NOL4: variants seen among roughly 807,000 people sequenced by gnomAD.
The protein encoded by NOL4 is nucleolar protein 4.
A neutral mutation model predicts 75.9 loss-of-function variants in NOL4; 17 were observed. That is an observed-to-expected ratio of 0.22 (90% CI 0.15 to 0.34). NOL4 has a LOEUF of 0.34. Among genes scored for constraint, NOL4 ranks in the 10% least tolerant of loss-of-function variants. NOL4 has a pLI of 1.00. For synonymous variants in NOL4, 292 were observed against 289.9 expected (o/e 1.01, Z -0.07); for missense variants, 614 against 793.5 (o/e 0.77, Z 2.72).
chr18:34,005,473 T>G (rs2146272574), intron 6 of NOL4, among the ~76,000 whole-genome samples: 1 of 152,156 alleles, frequency 6.6e-6, no homozygotes, highest in South Asian at 2.1e-4. Flanking sequence ...CCTCTATTTC[T>G]TTTCTTTCTG....
At chr18:34,098,045 G>C (rs1440080860) in intron 4 of NOL4, among the ~76,000 whole-genome samples, 1 of 152,062 alleles carries the variant, frequency 6.6e-6, no homozygotes, top group Non-Finnish European at 1.5e-5. Flanking sequence ...AATAAAGGAG[G>C]TTGGGGTTTT....
At chr18:34,181,040 G>A (rs1345360415) in intron 1 of NOL4, among the ~76,000 whole-genome samples, 1 of 151,336 alleles carries the variant, frequency 6.6e-6, no homozygotes, top group Non-Finnish European at 1.5e-5. Flanking sequence ...AATTCCAAAT[G>A]TCTTTTTTTG....
At chr18:33,995,143 C>G (rs2073183641) in intron 6 of NOL4, among the ~76,000 whole-genome samples, 1 of 151,428 alleles carries the variant, frequency 6.6e-6, no homozygotes, top group Non-Finnish European at 1.5e-5. Flanking sequence ...AAAGAAAAGC[C>G]AAGTCCCAAA....
chr18:33,885,827 T>C (rs917725049), intron 9 of NOL4, among the ~76,000 whole-genome samples: 1 of 152,116 alleles, frequency 6.6e-6, no homozygotes, highest in African/African-American at 2.4e-5. Context: ...GGGTTATCTA[T>C]CCAAAAGAAA....
intron 2 of NOL4, among the ~76,000 whole-genome samples, chr18:34,124,905 C>A (rs1412004850): frequency 1.4e-5 from 2 of 147,704 alleles, no homozygotes; most frequent in Non-Finnish European, 1.5e-5. Context: ...AAAACTGTCT[C>A]AAAAAAAAAA....
intron 9 of NOL4, among the ~76,000 whole-genome samples, chr18:33,918,379 A>G (rs771181925): frequency 6.6e-6 from 1 of 152,204 alleles, no homozygotes; most frequent in Non-Finnish European, 1.5e-5. Flanking sequence ...TCATACACTC[A>G]CTGATGTGTA....
intron 6 of NOL4, among the ~76,000 whole-genome samples, chr18:33,988,240 G>A (rs2072620423): frequency 2.0e-5 from 3 of 152,030 alleles, no homozygotes; most frequent in Non-Finnish European, 2.9e-5. Flanking sequence ...GAAGTAAAAT[G>A]CCTACTGTCA....
chr18:34,091,399 C>A (rs1275755872), intron 5 of NOL4, among the ~76,000 whole-genome samples: 1 of 151,678 alleles, frequency 6.6e-6, no homozygotes, highest in African/African-American at 2.4e-5. Flanking sequence ...AACAAAAGGG[C>A]TTGACAGAAG....
intron 5 of NOL4, among the ~76,000 whole-genome samples, chr18:34,030,262 C>T (rs982560811): frequency 6.6e-6 from 1 of 152,130 alleles, no homozygotes; most frequent in Non-Finnish European, 1.5e-5. Flanking sequence ...GAAACTGCAT[C>T]CTAAGACAGA....
chr18:34,061,775 A>AT (rs1317923904), intron 5 of NOL4, among the ~76,000 whole-genome samples: 1 of 152,134 alleles, frequency 6.6e-6, no homozygotes, highest in Non-Finnish European at 1.5e-5. Flanking sequence ...ATTGGGCAAT[A>AT]TTTTTATTCA....
intron 5 of NOL4, among the ~76,000 whole-genome samples, chr18:34,064,631 A>G (rs2077193575): frequency 6.6e-6 from 1 of 151,956 alleles, no homozygotes; most frequent in Admixed American, 6.6e-5. Context: ...TATTATGAAA[A>G]CTACCCTTTG....
At chr18:34,014,417 T>C (rs1429363695) in intron 6 of NOL4, among the ~76,000 whole-genome samples, 24 of 151,886 alleles carry the variant, frequency 1.6e-4, no homozygotes, top group Admixed American at 1.6e-3. Flanking sequence ...TTCAGAATAT[T>C]TAACCATATA....
chr18:33,978,896 T>C (rs2071721089), intron 6 of NOL4, among the ~76,000 whole-genome samples: 1 of 152,086 alleles, frequency 6.6e-6, no homozygotes, highest in Admixed American at 6.6e-5. Context: ...TCCATTGATG[T>C]AGAACATGTA....
chr18:33,884,147 TGAA>T (rs1177409990), intron 9 of NOL4, among the ~76,000 whole-genome samples: 1 of 152,234 alleles, frequency 6.6e-6, no homozygotes, highest in East Asian at 1.9e-4. Flanking sequence ...AAAAATTAAA[TGAA>T]GAGATATTAC....
chr18:34,222,039 G>T (rs1253375356), intron 1 of NOL4: 1 of 1,535,230 alleles, frequency 6.5e-7, no homozygotes, highest in Admixed American at 2.0e-5. Context: ...ATGCAGAAAG[G>T]TCTCCTGCAT....
intron 1 of NOL4, among the ~76,000 whole-genome samples, chr18:34,174,595 A>C (rs1303477054): frequency 2.0e-5 from 3 of 151,852 alleles, no homozygotes; most frequent in Non-Finnish European, 4.4e-5. Flanking sequence ...TATTACATAG[A>C]TAGATAGATG....
rs116629126 is a variant in NOL4 at position 33,970,708 on chromosome 18, T to C, written c.1057-12290A>G. Among the ~76,000 whole-genome samples the C allele has an allele frequency of 7.5e-3, 1,146 of 151,924 alleles. 11 individuals carry two copies. The highest frequency in any genetic ancestry group is 0.026 in the African/African-American group (1,057 of 41,394). On this transcript the variant is annotated intron_variant, in intron 6 of 10. Transcript: ENST00000261592. ...TATAGAACTTTCGTTACTGGAAAAC[T>C]TACTTCTTCAAGCTATTTGTGTGTG...
chr18:34,015,772 C>G (rs1385759160), intron 6 of NOL4, among the ~76,000 whole-genome samples: 1 of 152,100 alleles, frequency 6.6e-6, no homozygotes, highest in Non-Finnish European at 1.5e-5. Flanking sequence ...TGCATGTGCA[C>G]CGTAAACTAC....
chr18:33,894,432 C>CA (rs1237573047), intron 9 of NOL4, among the ~76,000 whole-genome samples: 2 of 152,038 alleles, frequency 1.3e-5, no homozygotes, highest in African/African-American at 4.8e-5. Flanking sequence ...TCCTTGCTGG[C>CA]CATACAAATG....
Sources: gnomAD v4.1 joint callset for allele counts (sites outside exome capture counted in the v4.1 genomes callset) on GRCh38, gnomAD v4.1.1 for gene constraint, MANE v1.5 for transcripts, NCBI Gene and HGNC (gene_info 2026-07-23, HGNC 2026-07-21) for gene names.